ZBTB25: variants seen among roughly 807,000 people sequenced by gnomAD.
The protein encoded by ZBTB25 is zinc finger and BTB domain-containing protein 25.
Under a neutral mutation model 34.2 loss-of-function variants are expected in ZBTB25, and 20 were observed. The ratio of observed to expected loss-of-function variants is 0.58; its 90% CI spans 0.41 to 0.85. ZBTB25 has a LOEUF of 0.85. ZBTB25 is among the 40% of genes least tolerant of loss of function. The pLI, the probability that ZBTB25 is intolerant of heterozygous loss-of-function variation, is 0.00. For missense variants in ZBTB25, 437 were observed against 521.8 expected, an observed-to-expected ratio of 0.84 and a Z score of 1.58; for synonymous variants, 175 against 186.4, an observed-to-expected ratio of 0.94 and a Z score of 0.50.
At chr14:64,468,591 C>T (rs371284045) in intron 2 of ZBTB25, 1 of 1,613,794 alleles carries the variant, frequency 6.2e-7, no homozygotes, top group Non-Finnish European at 8.5e-7. Flanking sequence ...CCACAAGAAG[C>T]AGGAGCTTCT....
chr14:64,466,025 A>G (rs897129757), intron 2 of ZBTB25, among the ~76,000 whole-genome samples: 4 of 152,154 alleles, frequency 2.6e-5, no homozygotes, highest in African/African-American at 9.7e-5. Context: ...AAGGGGCGTC[A>G]AGCCAGAATT....
intron 2 of ZBTB25, among the ~76,000 whole-genome samples, chr14:64,488,866 A>G (rs1282320452): frequency 6.6e-6 from 1 of 152,238 alleles, no homozygotes; most frequent in Non-Finnish European, 1.5e-5. Flanking sequence ...GATTATCACC[A>G]CTGCATTGTA....
At chr14:64,505,033 C>T (rs1189652975), upstream of ZBTB25, 4 of 380,336 alleles carry the variant, frequency 1.1e-5, no homozygotes, top group African/African-American at 2.1e-5. Context: ...GAGTGCGGGG[C>T]CGGAGGGGCG....
Position 64,486,401 on chromosome 14 carries a change from T to G in ZBTB25, c.*522A>C. ...GTTAAAAAATAAAACTACTCATGATTTGGTATATCTTAAAATAAATTTTTA... is the reference window on the plus strand; with the variant it reads ...GTTAAAAAATAAAACTACTCATGATGTGGTATATCTTAAAATAAATTTTTA... On this transcript the variant is annotated 3_prime_UTR_variant, in exon 3 of 3. Coordinates refer to ENST00000608382, the MANE Select transcript of ZBTB25 (RefSeq NM_006977.5). 1.0e-6 allele frequency: 1 copy of G among 984,842 alleles called. No individual in the cohort carries two copies. The highest frequency in any genetic ancestry group is 1.2e-6 in the Non-Finnish European group (1 of 829,386). 61.0% of individuals were successfully genotyped at this position (984,842 alleles called of 1,614,324 possible).
rs748371586 is a variant in ZBTB25 at position 64,486,234 on chromosome 14, G to A, written c.*689C>T. On this transcript the variant is annotated 3_prime_UTR_variant, in exon 3 of 3. Transcript: ENST00000608382. ...GGAGAATGGCGTGAACCCGGGAGGC[G>A]GAGCTTGCAGTCAGCCGAGATCGCG... is the stretch of plus-strand genomic sequence containing the variant. 3.3e-5 allele frequency: 30 copies of A among 904,190 alleles called. No individual in the cohort carries two copies. Among genetic ancestry groups the A allele is most frequent in the Non-Finnish European group, 3.7e-5 (28 of 756,404 alleles). 56.0% of individuals were successfully genotyped at this position (904,190 alleles called of 1,614,324 possible). A position where few individuals can be genotyped will look rare whatever the true frequency, so the allele number is the denominator to read the frequency against.
downstream of ZBTB25, among the ~76,000 whole-genome samples, chr14:64,477,600 T>C (rs2078731406): frequency 6.6e-6 from 1 of 152,202 alleles, no homozygotes; most frequent in Non-Finnish European, 1.5e-5. Flanking sequence ...TCCCTTGCCT[T>C]TGCAAATATG....
rs571775206 is a variant in ZBTB25 at position 64,478,959 on chromosome 14, C to T, written c.*7964G>A. 11 of 152,282 alleles carry T rather than the reference C, an allele frequency of 7.2e-5. No homozygotes were observed. Among genetic ancestry groups the T allele is most frequent in the Admixed American group, 5.9e-4 (9 of 15,304 alleles). The allele number at this position is 152,282 out of a possible 1,614,324, so 9.4% of individuals were successfully genotyped here. A position where few individuals can be genotyped will look rare whatever the true frequency, so the allele number is the denominator to read the frequency against. ...TGGGGAGACAATTATTTAGTTCAAA[C>T]ATTATATGAATAGATTCAAAACTGT... On this transcript the variant is annotated 3_prime_UTR_variant, in exon 3 of 3. Coordinates refer to ENST00000608382, the MANE Select transcript of ZBTB25 (RefSeq NM_006977.5).
chr14:64,467,787 G>T (rs1431165435), intron 2 of ZBTB25: 1 of 152,110 alleles, frequency 6.6e-6, no homozygotes. Flanking sequence ...GATTACATCA[G>T]CTTGCTTTTC....
chr14:64,486,082 G>A lies in ZBTB25; in HGVS notation c.*841C>T. On this transcript the variant is annotated 3_prime_UTR_variant, in exon 3 of 3. Coordinates refer to ENST00000608382, the MANE Select transcript of ZBTB25 (RefSeq NM_006977.5). ...TGGGAGGCCAAGGCGGGCAGATGACGAGGTCAGGAGATCGAGACCATCCTG... is the reference window on the plus strand; with the variant it reads ...TGGGAGGCCAAGGCGGGCAGATGACAAGGTCAGGAGATCGAGACCATCCTG... 4 of 872,590 alleles carry A rather than the reference G, an allele frequency of 4.6e-6. No homozygotes were observed. The highest frequency in any genetic ancestry group is 5.5e-6 in the Non-Finnish European group (4 of 727,734). The allele number at this position is 872,590 out of a possible 1,614,324, so 54.1% of individuals were successfully genotyped here.
At position 64,502,562 on chromosome 14, in the gene ZBTB25, G is replaced by A. The variant is rs139877590; in HGVS notation, c.-8+1099C>T. 626 of 880,580 alleles carry A rather than the reference G, an allele frequency of 7.1e-4. 1 individual carries two copies. In the African/African-American group the frequency reaches 0.011, roughly 15 times the overall value. The allele number at this position is 880,580 out of a possible 1,614,324, so 54.5% of individuals were successfully genotyped here. ...TTAGTTCCAAAAATACACCATAGGC[G>A]GCCTACCTCACCTAGAAATACCATC... On this transcript the variant is annotated intron_variant, in intron 1 of 2. Transcript: ENST00000608382.
chr14:64,464,337 TC>T (rs2078587948), intron 2 of ZBTB25, among the ~76,000 whole-genome samples: 1 of 152,198 alleles, frequency 6.6e-6, no homozygotes, highest in South Asian at 2.1e-4. Flanking sequence ...ATCCCTGAAT[TC>T]TTAATTACAA....
rs575214001 is a variant in ZBTB25 at position 64,498,193 on chromosome 14, G to T, written c.-8+5468C>A. Among the ~76,000 whole-genome samples, 161 of 152,238 alleles carry T rather than the reference G, an allele frequency of 1.1e-3. 1 individual carries two copies. Among genetic ancestry groups the T allele is most frequent in the Non-Finnish European group, 1.1e-3 (77 of 68,016 alleles). On this transcript the variant is annotated intron_variant, in intron 1 of 2. Transcript: ENST00000608382. ...GAAATCATTTTATCCTGAAACAGAGGTTCTTATTGCTGACTATACTGTAAA... is the reference window on the plus strand; with the variant it reads ...GAAATCATTTTATCCTGAAACAGAGTTTCTTATTGCTGACTATACTGTAAA...
chr14:64,476,966 TA>T (rs2078725869), downstream of ZBTB25, among the ~76,000 whole-genome samples: 1 of 152,194 alleles, frequency 6.6e-6, no homozygotes, highest in Non-Finnish European at 1.5e-5. Flanking sequence ...TTTTTCTCAT[TA>T]AGGTATAATT....
chr14:64,488,057 A>G lies in ZBTB25; in HGVS notation c.174T>C (p.Ser58=). ...YFKMIFIHQT[S]ECIKIQPTDI... is the part of the protein sequence containing the mutation. ...CAGTTGGTTGTATTTTTATGCATTC[A>G]CTGTTAAAAACAAAAACAGACCCAC... is the stretch of plus-strand genomic sequence containing the variant. The change falls in exon 3 of 3, where the codon AGT becomes AGC. Residue 58 remains serine, a splice_region_variant and synonymous_variant. Transcript: ENST00000608382. 6.2e-7 allele frequency: 1 copy of G among 1,608,250 alleles called. No individual in the cohort carries two copies. Among genetic ancestry groups the G allele is most frequent in the African/African-American group, 1.3e-5 (1 of 74,856 alleles).
intron 2 of ZBTB25, chr14:64,454,869 A>G: frequency 6.2e-7 from 1 of 1,614,172 alleles, no homozygotes; most frequent in Non-Finnish European, 8.5e-7. Context: ...ACCCCTTAGT[A>G]GGAACGGTAA....
At chr14:64,469,756 G>C in intron 2 of ZBTB25, 1 of 1,053,498 alleles carries the variant, frequency 9.5e-7, no homozygotes, top group Non-Finnish European at 1.4e-6. Context: ...TTCTTACTCA[G>C]TAACAAATGA....
At chr14:64,473,898 TG>T (rs1167272502), downstream of ZBTB25, 3 of 166,772 alleles carry the variant, frequency 1.8e-5, no homozygotes, top group African/African-American at 4.8e-5. Flanking sequence ...GTATATTTTA[TG>T]GTACATTTTG....
chr14:64,449,601 C>T, exon 3 of ZBTB25: 1 of 1,614,162 alleles, frequency 6.2e-7, no homozygotes, highest in Middle Eastern at 1.6e-4. Flanking sequence ...CCAGCAGCTT[C>T]CAGCTCCTTT....
intron 2 of ZBTB25, among the ~76,000 whole-genome samples, chr14:64,450,772 A>G (rs965307246): frequency 1.3e-5 from 2 of 152,100 alleles, no homozygotes; most frequent in African/African-American, 2.4e-5. Context: ...CAGTGGTACA[A>G]TCATGGCACA....
Sources: gnomAD v4.1 joint callset for allele counts (sites outside exome capture counted in the v4.1 genomes callset) on GRCh38, gnomAD v4.1.1 for gene constraint, MANE v1.5 for transcripts, NCBI Gene and HGNC (gene_info 2026-07-23, HGNC 2026-07-21) for gene names.